The following SVBP variants were observed in gnomAD, a reference collection of about 807,000 sequenced individuals.
SVBP encodes small vasohibin binding protein, also known as small vasohibin-binding protein.
A neutral mutation model predicts 9.2 loss-of-function variants in SVBP; 9 were observed. The ratio of observed to expected loss-of-function variants is 0.98; its 90% CI spans 0.59 to 1.71. The LOEUF is 1.71. Ranked by LOEUF, SVBP falls within the 40% of genes most tolerant of loss-of-function variation. The pLI, the probability that SVBP is intolerant of heterozygous loss-of-function variation, is 0.00. For synonymous variants in SVBP, 27 were observed against 23.9 expected (o/e 1.13, Z -0.37); for missense variants, 63 against 73.2 (o/e 0.86, Z 0.51).
At chr1:42,816,356 C>T in intron 2 of SVBP, 75 bp downstream of exon 2, 4 of 1,101,472 alleles carry the variant, frequency 3.6e-6, no homozygotes, top group Non-Finnish European at 5.4e-6. Context: ...TGTCAGTTCT[C>T]CTTTCTGCTG....
chr1:42,813,097 C>T (rs1251750563), intron 2 of SVBP, among the ~76,000 whole-genome samples: 1 of 152,074 alleles, frequency 6.6e-6, no homozygotes, highest in African/African-American at 2.4e-5. Context: ...CAGAAAAATA[C>T]TAATTTGCTA....
intron 2 of SVBP, among the ~76,000 whole-genome samples, chr1:42,809,320 T>C (rs1229830610): frequency 1.3e-5 from 2 of 151,864 alleles, no homozygotes; most frequent in Non-Finnish European, 2.9e-5. Context: ...AAATGAAACT[T>C]AGAAGTGGGA....
intron 2 of SVBP, among the ~76,000 whole-genome samples, chr1:42,815,177 T>C (rs1654170275): frequency 7.7e-6 from 1 of 130,172 alleles, no homozygotes; most frequent in Admixed American, 9.5e-5. Flanking sequence ...ATGAGAACAC[T>C]TGGACACAGG....
At chr1:42,813,604 C>T (rs1245435731) in intron 2 of SVBP, 1 of 529,310 alleles carries the variant, frequency 1.9e-6, no homozygotes, top group Non-Finnish European at 3.8e-6. Context: ...TCTCCACAGT[C>T]ACTTTTGATT....
At chr1:42,810,153 C>T (rs553000264) in intron 2 of SVBP, among the ~76,000 whole-genome samples, 4 of 141,316 alleles carry the variant, frequency 2.8e-5, no homozygotes, top group Admixed American at 6.8e-5. Context: ...CACACACACA[C>T]ATATATTTTT....
chr1:42,808,456 TTATATATACTAATAGTG>T (rs974045008), intron 2 of SVBP, among the ~76,000 whole-genome samples: 5 of 145,414 alleles, frequency 3.4e-5, no homozygotes, highest in Non-Finnish European at 7.5e-5. Context: ...ACTATATAGC[TTATATATACTAATAGTG>T]TATATATACT....
intron 2 of SVBP, among the ~76,000 whole-genome samples, chr1:42,809,593 G>A (rs1037199047): frequency 1.3e-5 from 2 of 152,104 alleles, no homozygotes; most frequent in Admixed American, 1.3e-4. Context: ...CAACCTAAAT[G>A]AAACAAGTTC....
At chr1:42,816,640 A>G in intron 1 of SVBP, 60 bp from the exon 2 acceptor site, 1 of 843,752 alleles carries the variant, frequency 1.2e-6, no homozygotes, top group Non-Finnish European at 2.0e-6. Context: ...ATACCCTGCC[A>G]GTTACTCCTC....
At chr1:42,809,921 C>T (rs1208827052) in intron 2 of SVBP, among the ~76,000 whole-genome samples, 3 of 151,952 alleles carry the variant, frequency 2.0e-5, no homozygotes, top group Non-Finnish European at 4.4e-5. Context: ...AGTAAATTAA[C>T]GTAGAACAGC....
At chr1:42,810,294 T>G in intron 2 of SVBP, among the ~76,000 whole-genome samples, 1 of 152,026 alleles carries the variant, frequency 6.6e-6, no homozygotes, top group East Asian at 1.9e-4. Context: ...ACTACAGGCG[T>G]GCACCACCGT....
At chr1:42,816,728 T>A in intron 1 of SVBP, 148 bp from the exon 2 acceptor site, 1 of 547,628 alleles carries the variant, frequency 1.8e-6, no homozygotes, top group East Asian at 3.2e-5. Flanking sequence ...TGTGGGGGAG[T>A]AGGAACCGAG....
rs1443315231 is a variant in SVBP, at chr1:42,817,090, C to T, written c.-37+100G>A. 9 of 869,544 alleles carry T rather than the reference C, an allele frequency of 1.0e-5. No homozygotes were observed. The Admixed American group carries it at 4.2e-4, about 41-fold the overall frequency. 53.9% of individuals were successfully genotyped at this position (869,544 alleles called of 1,614,324 possible). A position where few individuals can be genotyped will look rare whatever the true frequency, so the allele number is the denominator to read the frequency against. On this transcript the variant is annotated intron_variant, in intron 1 of 2. Transcript: ENST00000372521. ...GCCCCCCGACCCCGCCCCGGCCCGC[C>T]CGGCCCCAGGGGACGGCCCCCGCCT...
chr1:42,808,263 G>A (rs1654009502), intron 2 of SVBP, among the ~76,000 whole-genome samples: 1 of 140,280 alleles, frequency 7.1e-6, no homozygotes. Flanking sequence ...ATATACTATA[G>A]CTTATATATA....
In SVBP at chr1:42,807,636, T is replaced by C. The variant is rs956894185; in HGVS notation, c.115-136A>G. The C allele has an allele frequency of 5.2e-5, 33 of 633,982 alleles. No individual in the cohort carries two copies. The Middle Eastern group carries it at 7.8e-4, about 15-fold the overall frequency. The allele number at this position is 633,982 out of a possible 1,614,324, so 39.3% of individuals were successfully genotyped here. A position where few individuals can be genotyped will look rare whatever the true frequency, so the allele number is the denominator to read the frequency against. On this transcript the variant is annotated intron_variant, in intron 2 of 2. Transcript: ENST00000372521. ...TAATGCAGGGACAGTGCTCTGGGAA[T>C]AGGAAAGTTAGATATTAGTTCCATC...
chr1:42,814,276 C>A (rs1302287077), intron 2 of SVBP, among the ~76,000 whole-genome samples: 2 of 151,518 alleles, frequency 1.3e-5, no homozygotes, highest in Non-Finnish European at 2.9e-5. Context: ...CAGGGTTTCA[C>A]CATGTTGGCC....
chr1:42,807,524 C>G, intron 2 of SVBP, 24 bp from the exon 3 acceptor site: 1 of 1,576,118 alleles, frequency 6.3e-7, no homozygotes, highest in Non-Finnish European at 8.7e-7. Context: ...AGAGATACAT[C>G]TGTTAGCAAT....
intron 2 of SVBP, among the ~76,000 whole-genome samples, chr1:42,811,122 G>A (rs1011584973): frequency 6.6e-6 from 1 of 151,008 alleles, no homozygotes; most frequent in Non-Finnish European, 1.5e-5. Flanking sequence ...CTGGGTGACA[G>A]AGCGAGACTC....
At chr1:42,814,574 C>A (rs1654156555) in intron 2 of SVBP, among the ~76,000 whole-genome samples, 1 of 149,204 alleles carries the variant, frequency 6.7e-6, no homozygotes, top group Non-Finnish European at 1.5e-5. Context: ...AGAGATCACG[C>A]CACTGCACTC....
chr1:42,816,653 A>C, intron 1 of SVBP, 73 bp from the exon 2 acceptor site: 6 of 748,216 alleles, frequency 8.0e-6, no homozygotes, highest in South Asian at 1.7e-5. Flanking sequence ...TACTCCTCTA[A>C]TCCTTTAGCT....
Sources: allele counts gnomAD v4.1 joint callset (sites outside exome capture counted in the v4.1 genomes callset), GRCh38; gene constraint gnomAD v4.1.1; transcripts MANE v1.5; gene names NCBI Gene and HGNC (gene_info 2026-07-23, HGNC 2026-07-21).